The following SCRG1 variants were observed in gnomAD, a reference collection of about 807,000 sequenced individuals.
SCRG1 encodes the protein stimulator of chondrogenesis 1.
A neutral mutation model predicts 7.7 loss-of-function variants in SCRG1; 3 were observed. That is an observed-to-expected ratio of 0.39 (90% confidence interval 0.18 to 1.01). The LOEUF (loss-of-function observed/expected upper bound fraction) is 1.01. Ranked by LOEUF, SCRG1 falls within the 50% of genes least tolerant of loss-of-function variation. The pLI, the probability that SCRG1 is intolerant of heterozygous loss-of-function variation, is 0.36. For synonymous variants in SCRG1, 46 were observed against 41.2 expected, an observed-to-expected ratio of 1.12 and a Z score of -0.44; for missense variants, 110 against 117.2, an observed-to-expected ratio of 0.94 and a Z score of 0.28.
the SCRG1 span, among the ~76,000 whole-genome samples, chr4:173,514,746 T>G: frequency 1.5e-4 from 23 of 152,354 alleles, no homozygotes; most frequent in Non-Finnish European, 2.5e-4. Context: ...TACCAAAGGA[T>G]AGAGCTCTTC....
At chr4:173,389,571 A>G in intron 2 of SCRG1, 1 of 186,598 alleles carries the variant, frequency 5.4e-6, no homozygotes, top group Non-Finnish European at 1.1e-5. Flanking sequence ...AAACAAACAA[A>G]CAACCATAAT....
chr4:173,397,498 T>G (rs554397783), intron 1 of SCRG1, among the ~76,000 whole-genome samples: 1 of 152,200 alleles, frequency 6.6e-6, no homozygotes, highest in Admixed American at 6.5e-5. Context: ...TTGTTCCAAA[T>G]GTTGTATGAT....
At chr4:173,435,422 G>A in the SCRG1 span, among the ~76,000 whole-genome samples, 1 of 152,202 alleles carries the variant, frequency 6.6e-6, no homozygotes, top group Admixed American at 6.5e-5. Flanking sequence ...GGACATCCCT[G>A]TCTGGTCACC....
the SCRG1 span, chr4:173,446,841 C>A: frequency 6.6e-6 from 1 of 152,182 alleles, no homozygotes; most frequent in African/African-American, 2.4e-5. Flanking sequence ...TAACAAGCCT[C>A]ATTTTTTTCA....
At chr4:173,459,903 C>T in the SCRG1 span, among the ~76,000 whole-genome samples, 1 of 106,590 alleles carries the variant, frequency 9.4e-6, no homozygotes, top group Non-Finnish European at 2.5e-5. Context: ...ACGTTTCCAA[C>T]ACAAAAAAAA....
At chr4:173,483,636 TAA>T in the SCRG1 span, among the ~76,000 whole-genome samples, 2 of 39,714 alleles carry the variant, frequency 5.0e-5, 1 homozygote, top group Non-Finnish European at 1.0e-4. Context: ...TTGTGATATA[TAA>T]TATATATGAT....
the SCRG1 span, among the ~76,000 whole-genome samples, chr4:173,427,662 T>A: frequency 2.0e-3 from 304 of 152,312 alleles, no homozygotes; most frequent in African/African-American, 6.7e-3. Context: ...TAGCTGCACT[T>A]GCTGCTCTGG....
At chr4:173,508,097 C>A in the SCRG1 span, among the ~76,000 whole-genome samples, 1 of 151,798 alleles carries the variant, frequency 6.6e-6, no homozygotes, top group South Asian at 2.2e-4. This position sits in a 1 kb window ranked among gnomAD's most constrained non-coding sequence, Gnocchi z 4.4. Flanking sequence ...GGGAAAAGCC[C>A]GAGAAAAGCC....
the SCRG1 span, among the ~76,000 whole-genome samples, chr4:173,481,934 C>T: frequency 6.6e-6 from 1 of 151,848 alleles, no homozygotes; most frequent in East Asian, 1.9e-4. Context: ...GTGTCAGCAC[C>T]TCTGACCCTT....
chr4:173,490,976 C>T, the SCRG1 span, among the ~76,000 whole-genome samples: 2 of 152,138 alleles, frequency 1.3e-5, no homozygotes, highest in African/African-American at 4.8e-5. Context: ...AGGAGGAGGC[C>T]TGTAGTGTCC....
At chr4:173,460,584 C>A in the SCRG1 span, among the ~76,000 whole-genome samples, 1 of 152,202 alleles carries the variant, frequency 6.6e-6, no homozygotes, top group African/African-American at 2.4e-5. Context: ...GAACCCCGTG[C>A]CCTGAAGGAA....
At chr4:173,466,107 T>G in the SCRG1 span, among the ~76,000 whole-genome samples, 1 of 152,070 alleles carries the variant, frequency 6.6e-6, no homozygotes, top group African/African-American at 2.4e-5. Context: ...GGATACAGGT[T>G]AAAAAGAAGA....
intron 1 of SCRG1, among the ~76,000 whole-genome samples, chr4:173,392,577 G>A (rs1288205603): frequency 6.6e-6 from 1 of 152,158 alleles, no homozygotes; most frequent in African/African-American, 2.4e-5. Context: ...TAGAAGTATA[G>A]AATATTAAAT....
chr4:173,478,348 A>T, the SCRG1 span, among the ~76,000 whole-genome samples: 25 of 152,210 alleles, frequency 1.6e-4, no homozygotes, highest in African/African-American at 5.8e-4. Context: ...TGTGGTCCTT[A>T]GGCAACTAAC....
At chr4:173,494,688 G>T in the SCRG1 span, among the ~76,000 whole-genome samples, 4 of 152,222 alleles carry the variant, frequency 2.6e-5, no homozygotes, top group African/African-American at 4.8e-5. Context: ...TCGTTTCAGA[G>T]CCCAGGGCAG....
chr4:173,405,534 G>A (rs538851860), intron 1 of SCRG1, among the ~76,000 whole-genome samples: 4 of 152,236 alleles, frequency 2.6e-5, no homozygotes, highest in Admixed American at 1.3e-4. Context: ...CTTTGAGGGC[G>A]GAGTAACTAC....
At chr4:173,465,770 T>C in the SCRG1 span, among the ~76,000 whole-genome samples, 1 of 152,210 alleles carries the variant, frequency 6.6e-6, no homozygotes, top group East Asian at 1.9e-4. Context: ...TTTTTTCTCC[T>C]TCCTCCCTCC....
chr4:173,475,587 C>G, the SCRG1 span, among the ~76,000 whole-genome samples: 1 of 152,160 alleles, frequency 6.6e-6, no homozygotes, highest in Non-Finnish European at 1.5e-5. Flanking sequence ...TGGGTATAAT[C>G]CTTTTGCATC....
At chr4:173,429,381 C>T in the SCRG1 span, among the ~76,000 whole-genome samples, 543 of 152,230 alleles carry the variant, frequency 3.6e-3, 3 homozygotes, top group Non-Finnish European at 6.0e-3. Context: ...AACTTTCAAA[C>T]TCTTGGGCTC....
Sources: allele counts gnomAD v4.1 joint callset (sites outside exome capture counted in the v4.1 genomes callset), GRCh38; gene constraint gnomAD v4.1.1; non-coding constraint Gnocchi (gnomAD v3.1); transcripts MANE v1.5; gene names NCBI Gene and HGNC (gene_info 2026-07-23, HGNC 2026-07-21).